PADI1: variants seen among roughly 807,000 people sequenced by gnomAD.
PADI1 encodes peptidyl arginine deiminase 1, also known as protein-arginine deiminase type-1.
A neutral mutation model predicts 74.8 loss-of-function variants in PADI1; 65 were observed. The observed-to-expected ratio is 0.87, with a 90% CI of 0.71 to 1.07. The LOEUF (loss-of-function observed/expected upper bound fraction) is 1.07. PADI1 is among the 50% of genes least tolerant of loss of function. The pLI, the probability that PADI1 is intolerant of heterozygous loss-of-function variation, is 0.00. For synonymous variants in PADI1, 371 were observed against 336.2 expected, an observed-to-expected ratio of 1.10 and a Z score of -1.13; for missense variants, 943 against 854.0, an observed-to-expected ratio of 1.10 and a Z score of -1.30.
chr1:17,233,940 T>A (rs1213436753), intron 11 of PADI1, among the ~76,000 whole-genome samples: 1 of 152,202 alleles, frequency 6.6e-6, no homozygotes, highest in South Asian at 2.1e-4. Flanking sequence ...GCGAGAGGCA[T>A]GTGCTCACCC....
chr1:17,239,474 C>T (rs2072726036), intron 13 of PADI1, among the ~76,000 whole-genome samples: 1 of 152,158 alleles, frequency 6.6e-6, no homozygotes, highest in African/African-American at 2.4e-5. Flanking sequence ...AATTATTAGG[C>T]TCCAAGTCCA....
chr1:17,238,519 C>CT, intron 12 of PADI1, 97 bp from the exon 13 acceptor site: 1 of 516,942 alleles, frequency 1.9e-6, no homozygotes, highest in Non-Finnish European at 3.2e-6. Context: ...GAGGGGAGTC[C>CT]CAAGAACTGT....
At chr1:17,237,628 G>T (rs2072678269) in intron 12 of PADI1, among the ~76,000 whole-genome samples, 170 bp downstream of exon 12, 2 of 151,984 alleles carry the variant, frequency 1.3e-5, no homozygotes, top group South Asian at 4.1e-4. Context: ...ACACTTCCAG[G>T]GTATTTGTGC....
chr1:17,235,574 G>A (rs1484048926), intron 11 of PADI1, among the ~76,000 whole-genome samples: 1 of 152,102 alleles, frequency 6.6e-6, no homozygotes, highest in East Asian at 1.9e-4. Context: ...CCTGGGCTCA[G>A]GAGCAGAGAG....
chr1:17,231,936 C>A (rs534403954), intron 10 of PADI1, among the ~76,000 whole-genome samples: 5 of 135,352 alleles, frequency 3.7e-5, no homozygotes, highest in Non-Finnish European at 7.9e-5. Context: ...AAAAAAAACA[C>A]GTGTTTGTTT....
chr1:17,211,043 C>A (rs2071821162), intron 1 of PADI1, among the ~76,000 whole-genome samples: 1 of 152,196 alleles, frequency 6.6e-6, no homozygotes, highest in Non-Finnish European at 1.5e-5. Flanking sequence ...AACAATTGCA[C>A]ACCTGACCCA....
intron 1 of PADI1, among the ~76,000 whole-genome samples, chr1:17,210,884 C>A (rs148457154): frequency 1.9e-4 from 29 of 152,324 alleles, no homozygotes; most frequent in Non-Finnish European, 3.4e-4. Context: ...TCTCAAGGAA[C>A]CTCCTGTGGT....
chr1:17,213,989 C>A (rs760512221), intron 1 of PADI1, among the ~76,000 whole-genome samples: 1 of 152,156 alleles, frequency 6.6e-6, no homozygotes, highest in African/African-American at 2.4e-5. Context: ...CTGCTCTGGG[C>A]GGCGCAGACG....
intron 1 of PADI1, among the ~76,000 whole-genome samples, chr1:17,210,737 C>G (rs893538378): frequency 1.3e-5 from 2 of 152,182 alleles, no homozygotes; most frequent in East Asian, 3.9e-4. Context: ...GGACATCAGC[C>G]ATTGCCCTCC....
At chr1:17,211,772 G>C (rs1044607431) in intron 1 of PADI1, among the ~76,000 whole-genome samples, 1 of 152,242 alleles carries the variant, frequency 6.6e-6, no homozygotes, top group African/African-American at 2.4e-5. Flanking sequence ...CAGGGGCCAA[G>C]CACGGCTGTG....
chr1:17,234,391 G>A (rs1324726647), intron 11 of PADI1, among the ~76,000 whole-genome samples: 3 of 152,218 alleles, frequency 2.0e-5, no homozygotes, highest in Non-Finnish European at 4.4e-5. Context: ...TGGGGATAAA[G>A]AATTCGTGTC....
intron 1 of PADI1, among the ~76,000 whole-genome samples, chr1:17,210,483 G>A (rs1362416104): frequency 1.3e-5 from 2 of 152,110 alleles, no homozygotes; most frequent in Non-Finnish European, 2.9e-5. Flanking sequence ...GGGAAGACCA[G>A]TGAGTGAAAG....
intron 1 of PADI1, among the ~76,000 whole-genome samples, chr1:17,215,403 T>TCATCATCAC (rs1378019932): frequency 1.1e-4 from 17 of 151,712 alleles, no homozygotes; most frequent in African/African-American, 4.1e-4. Context: ...ATCGTCATCA[T>TCATCATCAC]CATCATCATC....
chr1:17,228,792 C>A lies in PADI1; in HGVS notation c.820C>A (p.Pro274Thr). The A allele has an allele frequency of 6.2e-7, 1 of 1,613,796 alleles. No homozygotes were observed. The highest frequency in any genetic ancestry group is 8.5e-7 in the Non-Finnish European group (1 of 1,179,916). ...TTCCCTCAGTGTCAGCCTGGTGGAC[C>A]CGGGGGTGTGTACAGCACTGGGGGG... ...LVSLSVSLVD[P>T]GTLPEVTLFT... Residue 274 changes from proline to threonine, a missense_variant, in exon 7 of 16, where the codon CCG becomes ACG. By Grantham distance (38) the Pro-to-Thr change is conservative. Coordinates refer to ENST00000375471, the MANE Select transcript of PADI1 (RefSeq NM_013358.3).
intron 10 of PADI1, among the ~76,000 whole-genome samples, chr1:17,232,387 G>A (rs1425621755): frequency 6.6e-6 from 1 of 152,166 alleles, no homozygotes; most frequent in Non-Finnish European, 1.5e-5. Context: ...GCACAGGCTT[G>A]CCCCACCACG....
chr1:17,236,493 A>C (rs926785324), intron 11 of PADI1, among the ~76,000 whole-genome samples: 1 of 152,194 alleles, frequency 6.6e-6, no homozygotes, highest in Non-Finnish European at 1.5e-5. Flanking sequence ...AGTGGCCCTC[A>C]CTTGTAGTCC....
intron 1 of PADI1, among the ~76,000 whole-genome samples, chr1:17,212,889 C>T (rs1269258577): frequency 1.3e-5 from 2 of 152,174 alleles, no homozygotes; most frequent in Non-Finnish European, 2.9e-5. Context: ...TGTGGTGGGG[C>T]CAGGGGGCTG....
Position 17,244,177 on chromosome 1 carries a change from G to T in PADI1, c.1926G>T (p.Glu642Asp), listed in dbSNP as rs151272256. 2 of 1,614,098 alleles carry T rather than the reference G, an allele frequency of 1.2e-6. No individual in the cohort carries two copies. Among genetic ancestry groups the T allele is most frequent in the African/African-American group, 1.3e-5 (1 of 74,922 alleles). Residue 642 changes from glutamate to aspartate, a missense_variant, in exon 16 of 16, where the codon GAG becomes GAT. Coordinates refer to ENST00000375471, the MANE Select transcript of PADI1 (RefSeq NM_013358.3). ...DYLSYHELQG[E>D]IHCGTNVRRK... The stretch of plus-strand genomic sequence containing the variant: ...TGTCCTACCACGAGCTGCAGGGGGA[G>T]ATCCACTGTGGCACCAACGTGCGCA...
chr1:17,216,471 G>T (rs2071981299), intron 1 of PADI1, among the ~76,000 whole-genome samples: 1 of 152,166 alleles, frequency 6.6e-6, no homozygotes, highest in Non-Finnish European at 1.5e-5. Flanking sequence ...AGGTGGAGCT[G>T]CTATGGACAG....
Sources: gnomAD v4.1 joint callset for allele counts (sites outside exome capture counted in the v4.1 genomes callset) on GRCh38, gnomAD v4.1.1 for gene constraint, MANE v1.5 for transcripts, NCBI Gene and HGNC (gene_info 2026-07-23, HGNC 2026-07-21) for gene names.